The following EXOC4 variants were observed in gnomAD, a reference collection of about 807,000 sequenced individuals.
The protein encoded by EXOC4 is SEC8-like 1.
A neutral mutation model predicts 107.2 loss-of-function variants in EXOC4; 71 were observed. That is an observed-to-expected ratio of 0.66 (90% CI 0.55 to 0.81). The LOEUF (loss-of-function observed/expected upper bound fraction) is 0.81. EXOC4 is among the 30% of genes least tolerant of loss of function. The pLI, the probability that EXOC4 is intolerant of heterozygous loss-of-function variation, is 0.00. For missense variants in EXOC4, 1,108 were observed against 1,189.6 expected, an observed-to-expected ratio of 0.93 and a Z score of 1.01; for synonymous variants, 456 against 441.2, an observed-to-expected ratio of 1.03 and a Z score of -0.42.
chr7:133,480,780 G>T (rs1318766182), intron 9 of EXOC4: 5 of 152,196 alleles, frequency 3.3e-5, no homozygotes, highest in Non-Finnish European at 5.9e-5. Flanking sequence ...GAGGTCAGGT[G>T]TGGTGACTAA....
At chr7:133,940,287 T>C (rs1484197567) in intron 14 of EXOC4, among the ~76,000 whole-genome samples, 1 of 152,238 alleles carries the variant, frequency 6.6e-6, no homozygotes, top group East Asian at 1.9e-4. Flanking sequence ...CTTAACTTTG[T>C]AATTGCACGA....
intron 10 of EXOC4, among the ~76,000 whole-genome samples, chr7:133,669,747 A>G (rs1017630191): frequency 6.6e-6 from 1 of 152,234 alleles, no homozygotes; most frequent in Non-Finnish European, 1.5e-5. Context: ...GGGCTGAAAC[A>G]TGAAATAAAT....
At chr7:133,462,882 T>C (rs977867491) in intron 7 of EXOC4, among the ~76,000 whole-genome samples, 2 of 152,150 alleles carry the variant, frequency 1.3e-5, no homozygotes, top group Non-Finnish European at 2.9e-5. Flanking sequence ...ACTCATCCTA[T>C]AGAGGTTGAT....
intron 7 of EXOC4, among the ~76,000 whole-genome samples, chr7:133,425,318 C>T (rs183794330): frequency 8.5e-4 from 130 of 152,272 alleles, no homozygotes; most frequent in Non-Finnish European, 1.4e-3. Context: ...GATGGAGTCT[C>T]GCTCTGTCAC....
chr7:133,758,435 G>C (rs556073727), intron 10 of EXOC4, among the ~76,000 whole-genome samples: 1 of 152,136 alleles, frequency 6.6e-6, no homozygotes, highest in Non-Finnish European at 1.5e-5. Context: ...CACCGTGCCC[G>C]GCCCATAGTT....
At chr7:133,577,093 C>T (rs760981817) in intron 9 of EXOC4, among the ~76,000 whole-genome samples, 4 of 152,036 alleles carry the variant, frequency 2.6e-5, no homozygotes, top group Non-Finnish European at 2.9e-5. Context: ...TTATGATAGA[C>T]GCAATCTAAG....
intron 7 of EXOC4, among the ~76,000 whole-genome samples, chr7:133,408,948 A>G (rs1027325828): frequency 6.6e-6 from 1 of 152,162 alleles, no homozygotes; most frequent in Admixed American, 6.5e-5. Flanking sequence ...ACCTTTCTGA[A>G]CTATCATAGG....
chr7:133,749,899 A>G (rs1795755114), intron 10 of EXOC4, among the ~76,000 whole-genome samples: 1 of 150,796 alleles, frequency 6.6e-6, no homozygotes, highest in Non-Finnish European at 1.5e-5. Flanking sequence ...ACGAACCCTA[A>G]CACTTGTTTA....
At chr7:133,581,615 G>A (rs1410086192) in intron 9 of EXOC4, among the ~76,000 whole-genome samples, 7 of 151,616 alleles carry the variant, frequency 4.6e-5, no homozygotes, top group South Asian at 2.1e-4. Flanking sequence ...AAAATTAGCC[G>A]GGCGTGGTGG....
intron 7 of EXOC4, among the ~76,000 whole-genome samples, chr7:133,387,565 A>G (rs1796755795): frequency 1.3e-5 from 2 of 152,110 alleles, no homozygotes; most frequent in South Asian, 4.1e-4. Flanking sequence ...TTATATCATC[A>G]TGTTAATTGT....
At chr7:133,686,993 TTGTG>T (rs1027053373) in intron 10 of EXOC4, among the ~76,000 whole-genome samples, 269 of 7,590 alleles carry the variant, frequency 0.035, no homozygotes, top group African/African-American at 0.06. Flanking sequence ...ATAAAGAATT[TTGTG>T]TGTGTGTGTG....
At chr7:133,294,771 TAATAA>T (rs1794481606) in intron 3 of EXOC4, among the ~76,000 whole-genome samples, 1 of 152,134 alleles carries the variant, frequency 6.6e-6, no homozygotes, top group Non-Finnish European at 1.5e-5. Context: ...AGATCTTATG[TAATAA>T]AATAAATATA....
At chr7:133,481,792 A>T (rs1269426365) in intron 9 of EXOC4, among the ~76,000 whole-genome samples, 1 of 152,180 alleles carries the variant, frequency 6.6e-6, no homozygotes, top group Non-Finnish European at 1.5e-5. Flanking sequence ...GATGTAGAGG[A>T]GTACAGACTG....
At chr7:133,535,490 A>T (rs1800255005) in intron 9 of EXOC4, among the ~76,000 whole-genome samples, 1 of 152,220 alleles carries the variant, frequency 6.6e-6, no homozygotes, top group South Asian at 2.1e-4. Context: ...TTCAGTCAAG[A>T]TAAGCAGTAA....
At chr7:133,577,154 G>A (rs765787886) in intron 9 of EXOC4, among the ~76,000 whole-genome samples, 3 of 152,032 alleles carry the variant, frequency 2.0e-5, no homozygotes, top group Non-Finnish European at 4.4e-5. Flanking sequence ...TAAATTTTGG[G>A]TAATATTGTA....
At chr7:133,953,177 G>T (rs898081767) in intron 14 of EXOC4, among the ~76,000 whole-genome samples, 14 of 152,324 alleles carry the variant, frequency 9.2e-5, no homozygotes, top group African/African-American at 3.1e-4. Context: ...GCCAGGCACG[G>T]TGGCTCACAC....
intron 15 of EXOC4, among the ~76,000 whole-genome samples, chr7:134,000,221 C>T (rs1001592955): frequency 2.0e-5 from 3 of 152,068 alleles, no homozygotes; most frequent in South Asian, 2.1e-4. Context: ...ACATAAGGCT[C>T]GGATAGTGAA....
chr7:133,647,702 A>C (rs1803028299), intron 10 of EXOC4, among the ~76,000 whole-genome samples: 1 of 152,082 alleles, frequency 6.6e-6, no homozygotes, highest in Non-Finnish European at 1.5e-5. Context: ...GACTCTGATA[A>C]TCCAGTCAAA....
chr7:134,081,898 T>C, the EXOC4 span, among the ~76,000 whole-genome samples: 5 of 152,162 alleles, frequency 3.3e-5, no homozygotes, highest in African/African-American at 1.2e-4. Context: ...AAAGAATAGA[T>C]TGTGCAACCT....
Sources: gnomAD v4.1 joint callset for allele counts (sites outside exome capture counted in the v4.1 genomes callset) on GRCh38, gnomAD v4.1.1 for gene constraint, MANE v1.5 for transcripts, NCBI Gene and HGNC (gene_info 2026-07-23, HGNC 2026-07-21) for gene names.